Variants in RER1 observed in about 807,000 individuals in gnomAD.
RER1 encodes the protein retention in endoplasmic reticulum sorting receptor 1, also known as protein RER1.
A neutral mutation model predicts 28.3 loss-of-function variants in RER1; 6 were observed. The ratio of observed to expected loss-of-function variants is 0.21; its 90% CI spans 0.12 to 0.42. RER1 has a LOEUF of 0.42. Ranked by LOEUF, RER1 falls within the 10% of genes least tolerant of loss-of-function variation. The pLI, the probability that RER1 is intolerant of heterozygous loss-of-function variation, is 1.00. For synonymous variants in RER1, 110 were observed against 95.9 expected (o/e 1.15, Z -0.86); for missense variants, 159 against 252.9 (o/e 0.63, Z 2.52).
rs1053512794 is a variant in RER1 at position 2,396,645 on chromosome 1, A to G, written c.82-471A>G. 5.9e-5 allele frequency among the ~76,000 whole-genome samples: 9 copies of G among 152,244 alleles called. 1 individual carries two copies. The South Asian group carries it at 1.4e-3, about 24-fold the overall frequency. On this transcript the variant is annotated intron_variant, in intron 2 of 6. Coordinates refer to ENST00000605895, the MANE Select transcript of RER1 (RefSeq NM_007033.5). ...GTCATGTCCACAGCCGCCTGGACGC[A>G]CACACATGTGGGTGTGGCTGCTGGG...
At chr1:2,402,111 G>T (rs1399063771) in intron 5 of RER1, 96 bp from the exon 6 acceptor site, 1 of 1,612,886 alleles carries the variant, frequency 6.2e-7, no homozygotes. Context: ...GCTTCTGTTT[G>T]CGGGGACGGT....
intron 3 of RER1, 84 bp from the exon 4 acceptor site, chr1:2,399,331 G>A (rs1018172834): frequency 9.2e-6 from 8 of 872,986 alleles, no homozygotes; most frequent in Admixed American, 5.2e-5. Flanking sequence ...ACAAAGTTGA[G>A]AGTGAACCGG....
In RER1 at chr1:2,392,563, G is replaced by T. The variant is rs1459568688; in HGVS notation, c.-8+605G>T. Reference sequence around the variant, plus strand: ...AAGGTATCGTTCGTTTCTCTGCCAGGTGTCTCACAGCACAGAGGGCTGCTT... The same window carrying T: ...AAGGTATCGTTCGTTTCTCTGCCAGTTGTCTCACAGCACAGAGGGCTGCTT... On this transcript the variant is annotated intron_variant, in intron 1 of 6. Transcript: ENST00000605895. 2.0e-5 allele frequency among the ~76,000 whole-genome samples: 3 copies of T among 152,316 alleles called. No individual in the cohort carries two copies. The East Asian group carries it at 5.8e-4, about 29-fold the overall frequency.
chr1:2,399,128 G>A (rs1244867135), intron 3 of RER1, among the ~76,000 whole-genome samples: 2 of 152,190 alleles, frequency 1.3e-5, no homozygotes, highest in Admixed American at 6.5e-5. Flanking sequence ...CTTGTGGGGC[G>A]TCTGTGGCTT....
At chr1:2,399,625 A>G (rs563303023) in intron 4 of RER1, 111 bp downstream of exon 4, 42 of 711,046 alleles carry the variant, frequency 5.9e-5, no homozygotes, top group Non-Finnish European at 1.0e-4. Flanking sequence ...TGGGGTTGAA[A>G]TGTACTTGTA....
In RER1 at chr1:2,395,445, C is replaced by G. The variant is rs1447713424; in HGVS notation, c.-7-339C>G. On this transcript the variant is annotated intron_variant, in intron 1 of 6. Coordinates refer to ENST00000605895, the MANE Select transcript of RER1 (RefSeq NM_007033.5). ...CTTGGAGGGAGGACATGCAGTGCCA[C>G]GTGCCATGGACCAGCCAGTGGACCC... 21 of 334,084 alleles carry G rather than the reference C, an allele frequency of 6.3e-5. No individual in the cohort carries two copies. In the East Asian group the frequency reaches 1.5e-3, roughly 24 times the overall value. 20.7% of individuals were successfully genotyped at this position (334,084 alleles called of 1,614,324 possible).
chr1:2,402,859 C>T (rs1021590602), intron 6 of RER1, among the ~76,000 whole-genome samples, 176 bp from the exon 7 acceptor site: 8 of 152,252 alleles, frequency 5.3e-5, no homozygotes, highest in Admixed American at 3.9e-4. Context: ...ACCTAGGCCT[C>T]GTGGGCTGTG....
In RER1 at chr1:2,403,140, T is replaced by C. The variant is rs1642897902; in HGVS notation, c.*16T>C. ...CGCCAGCTAGAAGCGGGACTGAGGC[T>C]GCCTCACGTGTTGCAAGAACAGTTT... On this transcript the variant is annotated 3_prime_UTR_variant, in exon 7 of 7. Coordinates refer to ENST00000605895, the MANE Select transcript of RER1 (RefSeq NM_007033.5). The C allele has an allele frequency of 6.2e-7, 1 of 1,600,488 alleles. No homozygotes were observed. Among genetic ancestry groups the C allele is most frequent in the Non-Finnish European group, 8.6e-7 (1 of 1,167,548 alleles).
In RER1 at chr1:2,404,440, AG is replaced by A. The variant is rs1642929008; in HGVS notation, c.*1318del. On this transcript the variant is annotated 3_prime_UTR_variant, in exon 7 of 7. Coordinates refer to ENST00000605895, the MANE Select transcript of RER1 (RefSeq NM_007033.5). ...TAAGCGCTCAGGCCTAAGGTGTGAC[AG>A]GAAGTCGCACGCGCTTGGCCAGAGC... 6.6e-6 allele frequency: 1 copy of A among 152,268 alleles called. No individual in the cohort carries two copies. The highest frequency in any genetic ancestry group is 1.9e-4 in the East Asian group (1 of 5,204). 9.4% of individuals were successfully genotyped at this position (152,268 alleles called of 1,614,324 possible). A position where few individuals can be genotyped will look rare whatever the true frequency, so the allele number is the denominator to read the frequency against.
chr1:2,402,821 C>T (rs558876735), intron 6 of RER1, among the ~76,000 whole-genome samples: 9 of 152,296 alleles, frequency 5.9e-5, no homozygotes, highest in South Asian at 2.1e-4. Context: ...GGGAGGCTCA[C>T]GAAGCACTGG....
chr1:2,395,973 G>T, intron 2 of RER1, 102 bp downstream of exon 2: 4 of 916,076 alleles, frequency 4.4e-6, no homozygotes, highest in Middle Eastern at 2.1e-4. Context: ...TGATGGAGAA[G>T]TTACTTCGCC....
chr1:2,401,981 G>GTT, intron 5 of RER1: 1 of 1,464,050 alleles, frequency 6.8e-7, no homozygotes. Flanking sequence ...GAAGAATTGT[G>GTT]TCTTTCAAGG....
rs1472962472 is a variant in RER1 at position 2,403,111 on chromosome 1, C to G, written c.578C>G (p.Ala193Gly). ...RYRGKEDAGK[A>G]FAS The stretch of plus-strand genomic sequence containing the variant: ...AGAGGCAAGGAGGATGCCGGCAAGG[C>G]CTTCGCCAGCTAGAAGCGGGACTGA... The change falls in exon 7 of 7, where the codon GCC (alanine) becomes GGC (glycine). Residue 193 changes from alanine (A) to glycine (G), a missense_variant. Ala to Gly is a moderately conservative substitution (Grantham distance 60, BLOSUM62 0). Transcript: ENST00000605895. 1 of 1,613,912 alleles carries G rather than the reference C, an allele frequency of 6.2e-7. No individual in the cohort carries two copies. The highest frequency in any genetic ancestry group is 8.5e-7 in the Non-Finnish European group (1 of 1,179,846).
At chr1:2,394,888 G>T (rs540013874) in intron 1 of RER1, 1 of 152,254 alleles carries the variant, frequency 6.6e-6, no homozygotes. Context: ...AATGACAACC[G>T]GCAGGCCCTG....
chr1:2,403,123 A>G lies in RER1; in HGVS notation c.590A>G (p.Ter197TrpextTer4). The change falls in exon 7 of 7, where the codon TAG (stop) becomes TGG (tryptophan). Residue 197 changes from the stop codon to tryptophan (W), a stop_lost. Transcript: ENST00000605895. ...GATGCCGGCAAGGCCTTCGCCAGCT[A>G]GAAGCGGGACTGAGGCTGCCTCACG... ...KEDAGKAFAS[*>W] 3 of 1,613,544 alleles carry G rather than the reference A, an allele frequency of 1.9e-6. No homozygotes were observed. The highest frequency in any genetic ancestry group is 1.7e-6 in the Non-Finnish European group (2 of 1,179,448).
At chr1:2,395,135 T>G (rs1443863594) in intron 1 of RER1, 2 of 152,648 alleles carry the variant, frequency 1.3e-5, no homozygotes, top group Non-Finnish European at 2.9e-5. Context: ...GTGAACAATG[T>G]GACCTCTGGC....
intron 1 of RER1, chr1:2,395,550 A>C: frequency 1.4e-5 from 7 of 507,670 alleles, no homozygotes; most frequent in East Asian, 3.5e-5. Flanking sequence ...CAGTGTGGGA[A>C]TGAAAATGCG....
In RER1 at chr1:2,399,419, G is replaced by A. The variant is rs1642813680; in HGVS notation, c.191G>A (p.Trp64Ter). ...CTCTCTTTCCTTCTCTTTCAGGGTT[G>A]GTACATTGTGACCTATGCCTTGGGG... ...YMIRVYLLQG[W>*]YIVTYALGIY... Residue 64 changes from tryptophan to a stop codon, truncating the protein, a stop_gained, in exon 4 of 7, where the codon TGG becomes TAG. Transcript: ENST00000605895. LOFTEE classifies it high-confidence loss of function. 1 of 1,601,884 alleles carries A rather than the reference G, an allele frequency of 6.2e-7. No individual in the cohort carries two copies. Among genetic ancestry groups the A allele is most frequent in the Non-Finnish European group, 8.6e-7 (1 of 1,169,008 alleles).
chr1:2,394,899 G>A (rs1468198116), intron 1 of RER1: 1 of 152,254 alleles, frequency 6.6e-6, no homozygotes, highest in Non-Finnish European at 1.5e-5. Flanking sequence ...GCAGGCCCTG[G>A]GTACTGAGCT....
Sources: gnomAD v4.1 joint callset for allele counts (sites outside exome capture counted in the v4.1 genomes callset) on GRCh38, gnomAD v4.1.1 for gene constraint, MANE v1.5 for transcripts, NCBI Gene and HGNC (gene_info 2026-07-23, HGNC 2026-07-21) for gene names.